Variants in UTP18 observed in about 807,000 individuals in gnomAD.
UTP18 encodes the protein UTP18 small subunit processome component.
UTP18 carries 36 observed loss-of-function variants against 61.1 expected under a neutral mutation model. The observed-to-expected ratio is 0.59, with a 90% CI of 0.45 to 0.78. The LOEUF is 0.78. Among genes scored for constraint, UTP18 ranks in the 30% least tolerant of loss-of-function variants. The pLI is 0.00. For synonymous variants in UTP18, 282 were observed against 251.1 expected, an observed-to-expected ratio of 1.12 and a Z score of -1.16; for missense variants, 753 against 693.9, an observed-to-expected ratio of 1.09 and a Z score of -0.96.
chr17:51,267,098 G>A (rs1248481446), intron 3 of UTP18, among the ~76,000 whole-genome samples: 2 of 152,134 alleles, frequency 1.3e-5, no homozygotes, highest in Admixed American at 6.5e-5. Flanking sequence ...GAGTAGCTGG[G>A]ACTGCAGGTG....
chr17:51,293,913 C>T lies in UTP18; in HGVS notation c.1514C>T (p.Pro505Leu), dbSNP rs1905295327. 1.9e-6 allele frequency: 3 copies of T among 1,578,040 alleles called. No individual in the cohort carries two copies. Among genetic ancestry groups the T allele is most frequent in the East Asian group, 2.3e-5 (1 of 43,672 alleles). Residue 505 changes from proline (P) to leucine (L), a missense_variant, in exon 12 of 14, where the codon CCT (proline) becomes CTT (leucine). By Grantham distance (98) the Pro-to-Leu change is moderately conservative. Coordinates refer to ENST00000225298, the MANE Select transcript of UTP18 (RefSeq NM_016001.3). ...MKEAVRLVHL[P>L]SCTVFSNFPV... ...TATTATCTCCTGCAGGTTCATCTTC[C>T]TTCCTGTACAGTATTTTCAAACTTC...
intron 9 of UTP18, 21 bp downstream of exon 9, chr17:51,280,500 A>G: frequency 6.2e-7 from 1 of 1,611,620 alleles, no homozygotes; most frequent in Non-Finnish European, 8.5e-7. Flanking sequence ...GACATGAAAG[A>G]AGCTAAGGAT....
At chr17:51,271,280 G>A (rs920773827) in intron 4 of UTP18, among the ~76,000 whole-genome samples, 3 of 151,864 alleles carry the variant, frequency 2.0e-5, no homozygotes, top group African/African-American at 4.8e-5. Flanking sequence ...TTAGTAATAC[G>A]TATATTAAAT....
chr17:51,270,056 G>A (rs141716217), intron 4 of UTP18, among the ~76,000 whole-genome samples: 24 of 152,178 alleles, frequency 1.6e-4, no homozygotes, highest in African/African-American at 4.8e-4. Context: ...GGGTTTCACC[G>A]TGTTGGCCAG....
chr17:51,268,970 C>G, intron 4 of UTP18, 66 bp downstream of exon 4: 5 of 1,504,860 alleles, frequency 3.3e-6, no homozygotes, highest in African/African-American at 1.4e-5. Flanking sequence ...ATTATTTGAG[C>G]TTTCTTATGA....
rs1426736863 is a variant in UTP18 at position 51,294,034 on chromosome 17, C to G, written c.1635C>G (p.Ala545=). The G allele has an allele frequency of 1.3e-6, 2 of 1,599,866 alleles. No homozygotes were observed. The highest frequency in any genetic ancestry group is 2.7e-5 in the African/African-American group (2 of 74,000). Residue 545 remains alanine (A), a synonymous_variant, in exon 12 of 14, where the codon GCC becomes GCG. Transcript: ENST00000225298. The part of the protein sequence containing the change: ...YFALGNEKGK[A]LMYRLHHYSD... ...CCTTGGGGAATGAAAAGGGCAAGGCCCTGATGTATAGGTAGGTATTATTTA... is the reference window on the plus strand; with the variant it reads ...CCTTGGGGAATGAAAAGGGCAAGGCGCTGATGTATAGGTAGGTATTATTTA...
intron 4 of UTP18, among the ~76,000 whole-genome samples, chr17:51,269,718 C>T (rs571835869): frequency 1.0e-3 from 153 of 152,134 alleles, no homozygotes; most frequent in South Asian, 7.3e-3. Flanking sequence ...AGAAATTGAC[C>T]GTCTTTGTTT....
intron 10 of UTP18, among the ~76,000 whole-genome samples, chr17:51,286,924 C>A (rs950590501): frequency 1.3e-5 from 2 of 151,612 alleles, no homozygotes; most frequent in Non-Finnish European, 2.9e-5. Flanking sequence ...TGTGCTGCAC[C>A]CATTAACTCA....
At position 51,288,191 on chromosome 17, in the gene UTP18, A is replaced by T; in HGVS notation, c.1491A>T (p.Glu497Asp). The part of the protein sequence containing the change: ...ILAIASEKMK[E>D]AVRLVHLPSC... ...CAATTGCTTCAGAAAAAATGAAAGA[A>T]GCAGTCAGATTGGTAAATATTTCAT... The change falls in exon 11 of 14, where the codon GAA (glutamate) becomes GAT (aspartate). Residue 497 changes from glutamate to aspartate, a missense_variant. Glu to Asp is a conservative substitution (Grantham distance 45). Coordinates refer to ENST00000225298, the MANE Select transcript of UTP18 (RefSeq NM_016001.3). 1 of 1,587,058 alleles carries T rather than the reference A, an allele frequency of 6.3e-7. No individual in the cohort carries two copies. Among genetic ancestry groups the T allele is most frequent in the Non-Finnish European group, 8.5e-7 (1 of 1,173,122 alleles).
intron 2 of UTP18, among the ~76,000 whole-genome samples, chr17:51,265,726 G>A (rs927899085): frequency 1.3e-5 from 2 of 151,742 alleles, no homozygotes; most frequent in African/African-American, 4.8e-5. Context: ...ACCCCGCCCA[G>A]CTAATTTCTG....
chr17:51,261,166 CG>C (rs2144377760), intron 1 of UTP18, among the ~76,000 whole-genome samples: 1 of 152,360 alleles, frequency 6.6e-6, no homozygotes, highest in South Asian at 2.1e-4. Context: ...CGCCGCTGCT[CG>C]GGTATCTGCT....
At position 51,273,435 on chromosome 17, in the gene UTP18, A is replaced by G; in HGVS notation, c.696A>G (p.Pro232=). ...GNFISTSTSL[P]RGILKMKNCQ... ...TCATATCCACATCAACTTCTCTTCC[A>G]AGAGGAATCTTGAAGGTGAGAGTCA... is the stretch of plus-strand genomic sequence containing the variant. The change falls in exon 5 of 14, where the codon CCA becomes CCG. Residue 232 remains proline (P), a synonymous_variant. Coordinates refer to ENST00000225298, the MANE Select transcript of UTP18 (RefSeq NM_016001.3). 6.2e-7 allele frequency: 1 copy of G among 1,610,494 alleles called. No individual in the cohort carries two copies. Among genetic ancestry groups the G allele is most frequent in the Non-Finnish European group, 8.5e-7 (1 of 1,178,384 alleles).
At chr17:51,276,424 A>C (rs956086131) in intron 6 of UTP18, among the ~76,000 whole-genome samples, 1 of 152,238 alleles carries the variant, frequency 6.6e-6, no homozygotes, top group Non-Finnish European at 1.5e-5. Context: ...ATAGATTGAG[A>C]AGTGAAGAAT....
intron 1 of UTP18, 83 bp from the exon 2 acceptor site, chr17:51,263,191 G>A (rs2055525243): frequency 1.9e-6 from 2 of 1,076,396 alleles, no homozygotes. Flanking sequence ...AACATTCTAT[G>A]AGCCATTTGG....
At chr17:51,279,203 C>T (rs1904830557) in intron 7 of UTP18, among the ~76,000 whole-genome samples, 1 of 152,118 alleles carries the variant, frequency 6.6e-6, no homozygotes, top group African/African-American at 2.4e-5. Flanking sequence ...GCTCTGTCTC[C>T]CTGTCTTCCT....
chr17:51,263,042 CT>C (rs1219183104), intron 1 of UTP18, among the ~76,000 whole-genome samples: 1 of 152,248 alleles, frequency 6.6e-6, no homozygotes, highest in Non-Finnish European at 1.5e-5. Flanking sequence ...TGAGTGTTGA[CT>C]TTTTCTCCTT....
chr17:51,270,005 G>T (rs1046976427), intron 4 of UTP18, among the ~76,000 whole-genome samples: 2 of 152,004 alleles, frequency 1.3e-5, no homozygotes, highest in Non-Finnish European at 2.9e-5. Context: ...ACAGGTGTGC[G>T]CCATTACACC....
chr17:51,284,343 A>G (rs1905040139), intron 9 of UTP18, among the ~76,000 whole-genome samples: 1 of 152,198 alleles, frequency 6.6e-6, no homozygotes, highest in Non-Finnish European at 1.5e-5. Context: ...TAGGGTCATT[A>G]GAGTAAACTA....
chr17:51,263,061 C>G (rs907915124), intron 1 of UTP18, among the ~76,000 whole-genome samples: 4 of 152,204 alleles, frequency 2.6e-5, no homozygotes, highest in African/African-American at 9.7e-5. Flanking sequence ...CTTGACTGTT[C>G]CATCTTGCCT....
Sources: allele counts gnomAD v4.1 joint callset (sites outside exome capture counted in the v4.1 genomes callset), GRCh38; gene constraint gnomAD v4.1.1; transcripts MANE v1.5; gene names NCBI Gene and HGNC (gene_info 2026-07-23, HGNC 2026-07-21).